Variants in LAMA1 observed in about 807,000 individuals in gnomAD.
LAMA1 encodes the protein laminin subunit alpha-1.
Under a neutral mutation model 348.7 loss-of-function variants are expected in LAMA1, and 219 were observed. That is an observed-to-expected ratio of 0.63 (90% CI 0.56 to 0.70). LAMA1 has a LOEUF of 0.70. Ranked by LOEUF, LAMA1 falls within the 30% of genes least tolerant of loss-of-function variation. The probability of loss-of-function intolerance (pLI) is 0.00; values close to 1 mark genes in which losing one functional copy is unlikely to be tolerated. For missense variants in LAMA1, 3,744 were observed against 3,888.0 expected, an observed-to-expected ratio of 0.96 and a Z score of 0.99; for synonymous variants, 1,487 against 1,491.0, an observed-to-expected ratio of 1.00 and a Z score of 0.06.
At chr18:7,048,973 A>G (rs995096101) in intron 5 of LAMA1, 105 bp downstream of exon 5, 16 of 1,109,224 alleles carry the variant, frequency 1.4e-5, no homozygotes, top group Non-Finnish European at 2.1e-5. Context: ...AAAGGCCAAC[A>G]TGTCGGGGAA....
Position 6,977,743 on chromosome 18 carries a change from C to A in LAMA1, c.6329G>T (p.Arg2110Leu). Reference sequence around the variant, plus strand: ...CAAACTCACAGAAGCTGCTTGTTTGCGGGCCTGGCTGATCAACAGTTTAAT... The same window carrying A: ...CAAACTCACAGAAGCTGCTTGTTTGAGGGCCTGGCTGATCAACAGTTTAAT... ...SEIKLLISQA[R>L]KQAASIKVAV... The change falls in exon 44 of 63, where the codon CGC (arginine) becomes CTC (leucine). Residue 2110 changes from arginine (R) to leucine (L), a missense_variant. Arg to Leu is a moderately radical substitution (Grantham distance 102). Coordinates refer to ENST00000389658, the MANE Select transcript of LAMA1 (RefSeq NM_005559.4). The A allele has an allele frequency of 1.2e-6, 2 of 1,614,046 alleles. No homozygotes were observed. Among genetic ancestry groups the A allele is most frequent in the Non-Finnish European group, 1.7e-6 (2 of 1,179,984 alleles).
chr18:7,059,886 T>C (rs2058096175), intron 3 of LAMA1, among the ~76,000 whole-genome samples: 1 of 152,224 alleles, frequency 6.6e-6, no homozygotes, highest in Admixed American at 6.5e-5. Context: ...TGCTGAGTTA[T>C]CCCTGTGAAA....
At chr18:7,072,952 T>C (rs2058151953) in intron 3 of LAMA1, among the ~76,000 whole-genome samples, 1 of 152,174 alleles carries the variant, frequency 6.6e-6, no homozygotes, top group African/African-American at 2.4e-5. Context: ...TGCCTTGGGC[T>C]GTAGCAGCTG....
intron 9 of LAMA1, among the ~76,000 whole-genome samples, chr18:7,040,587 AC>A (rs2144181077): frequency 6.6e-6 from 1 of 152,258 alleles, no homozygotes; most frequent in East Asian, 1.9e-4. Context: ...ACTTTGGAAA[AC>A]CTTTTGACAC....
intron 3 of LAMA1, among the ~76,000 whole-genome samples, chr18:7,066,497 A>G (rs1307280844): frequency 3.9e-5 from 6 of 152,278 alleles, no homozygotes; most frequent in African/African-American, 1.2e-4. Flanking sequence ...TTGATATTCA[A>G]TATCTAAAAA....
intron 34 of LAMA1, among the ~76,000 whole-genome samples, chr18:6,994,078 A>G (rs991879933): frequency 6.6e-6 from 1 of 152,220 alleles, no homozygotes; most frequent in Non-Finnish European, 1.5e-5. Context: ...TAAAACCCAA[A>G]TATACAGAAT....
At chr18:6,950,157 C>G (rs901705002) in intron 58 of LAMA1, among the ~76,000 whole-genome samples, 4 of 152,098 alleles carry the variant, frequency 2.6e-5, no homozygotes, top group Non-Finnish European at 5.9e-5. Context: ...AAGACAACTT[C>G]GACCCCCTGT....
intron 3 of LAMA1, among the ~76,000 whole-genome samples, chr18:7,071,213 CT>C (rs2058144596): frequency 6.6e-6 from 1 of 152,182 alleles, no homozygotes; most frequent in South Asian, 2.1e-4. Flanking sequence ...GCTTGAGCAC[CT>C]GCAGCCGTAG....
chr18:6,975,746 C>G (rs912438713), intron 45 of LAMA1, among the ~76,000 whole-genome samples, 191 bp downstream of exon 45: 1 of 152,236 alleles, frequency 6.6e-6, no homozygotes. Flanking sequence ...CACTTTCCTT[C>G]TCACAGGCAT....
intron 5 of LAMA1, among the ~76,000 whole-genome samples, 170 bp downstream of exon 5, chr18:7,048,908 T>A (rs1002397239): frequency 6.6e-6 from 1 of 152,136 alleles, no homozygotes; most frequent in Non-Finnish European, 1.5e-5. Flanking sequence ...AAAGGCAGCA[T>A]CTGTAACAAC....
chr18:7,047,696 G>T (rs2144196028), intron 5 of LAMA1, among the ~76,000 whole-genome samples: 1 of 152,168 alleles, frequency 6.6e-6, no homozygotes, highest in South Asian at 2.1e-4. Context: ...TAGACAAACA[G>T]ATCTATAGAA....
chr18:7,076,315 A>T (rs1456741355), intron 3 of LAMA1, among the ~76,000 whole-genome samples: 1 of 152,204 alleles, frequency 6.6e-6, no homozygotes, highest in Non-Finnish European at 1.5e-5. Context: ...GAGAGAATTC[A>T]AATTTAGCAC....
chr18:7,001,944 C>T (rs1020704552), intron 30 of LAMA1, among the ~76,000 whole-genome samples: 6 of 152,268 alleles, frequency 3.9e-5, no homozygotes, highest in African/African-American at 9.6e-5. Context: ...GTATCATTAT[C>T]AATAAAATTA....
intron 22 of LAMA1, among the ~76,000 whole-genome samples, chr18:7,014,825 C>G (rs9965237): frequency 1.3e-5 from 2 of 151,720 alleles, no homozygotes; most frequent in Non-Finnish European, 2.9e-5. Context: ...AAAGGACACT[C>G]AAATATTTTT....
intron 42 of LAMA1, among the ~76,000 whole-genome samples, 179 bp from the exon 43 acceptor site, chr18:6,978,557 G>A (rs2057693957): frequency 6.6e-6 from 1 of 152,048 alleles, no homozygotes; most frequent in Non-Finnish European, 1.5e-5. Context: ...AATGAACTAA[G>A]AGCTTCTTGT....
At chr18:7,081,629 G>GT (rs891476476) in intron 1 of LAMA1, among the ~76,000 whole-genome samples, 1 of 152,174 alleles carries the variant, frequency 6.6e-6, no homozygotes, top group African/African-American at 2.4e-5. Flanking sequence ...TGTGAGAAAA[G>GT]TACCTCCATT....
chr18:6,953,680 G>A (rs188318118), intron 57 of LAMA1: 3 of 152,328 alleles, frequency 2.0e-5, no homozygotes, highest in Admixed American at 1.3e-4. Context: ...GTTAAATGGA[G>A]ATAATAACAA....
intron 3 of LAMA1, among the ~76,000 whole-genome samples, chr18:7,062,702 C>G (rs1291561228): frequency 2.0e-5 from 3 of 152,180 alleles, no homozygotes; most frequent in Non-Finnish European, 1.5e-5. Context: ...GCAGTGTCTT[C>G]CAGCTCGATC....
chr18:6,997,729 T>C lies in LAMA1; in HGVS notation c.4806+13A>G. On this transcript the variant is annotated intron_variant, in intron 33 of 62. Coordinates refer to ENST00000389658, the MANE Select transcript of LAMA1 (RefSeq NM_005559.4). ...TACAAGTGTCTGTTCATCTCTGTAT[T>C]TCCAGTACCTACCTGGAGATATTTA... The C allele has an allele frequency of 6.2e-7, 1 of 1,612,208 alleles. No homozygotes were observed. The highest frequency in any genetic ancestry group is 8.5e-7 in the Non-Finnish European group (1 of 1,178,240).
Sources: allele counts gnomAD v4.1 joint callset (sites outside exome capture counted in the v4.1 genomes callset), GRCh38; gene constraint gnomAD v4.1.1; transcripts MANE v1.5; gene names NCBI Gene and HGNC (gene_info 2026-07-23, HGNC 2026-07-21).